Variants in PTGER3 observed in about 807,000 individuals in gnomAD.
The protein encoded by PTGER3 is prostaglandin E receptor 3.
PTGER3 carries 22 observed loss-of-function variants against 34.7 expected under a neutral mutation model. The ratio of observed to expected loss-of-function variants is 0.63; its 90% CI spans 0.45 to 0.91. The LOEUF (loss-of-function observed/expected upper bound fraction) is 0.91. Ranked by LOEUF, PTGER3 falls within the 40% of genes least tolerant of loss-of-function variation. The pLI, the probability that PTGER3 is intolerant of heterozygous loss-of-function variation, is 0.00. For missense variants in PTGER3, 468 were observed against 519.4 expected (o/e 0.90, Z 0.96); for synonymous variants, 241 against 230.1 (o/e 1.05, Z -0.43).
chr1:70,939,911 A>G (rs1286672297), intron 4 of PTGER3, among the ~76,000 whole-genome samples: 1 of 152,206 alleles, frequency 6.6e-6, no homozygotes, highest in Admixed American at 6.5e-5. Flanking sequence ...GCTCCTTGCT[A>G]CTTATGCAAA....
chr1:71,026,185 T>C (rs986506300), intron 1 of PTGER3, among the ~76,000 whole-genome samples: 1 of 152,180 alleles, frequency 6.6e-6, no homozygotes, highest in Admixed American at 6.5e-5. Context: ...CCTGGCTAAA[T>C]TTACCAGCTT....
At chr1:70,905,789 A>C (rs1553161880) in intron 4 of PTGER3, among the ~76,000 whole-genome samples, 3 of 152,068 alleles carry the variant, frequency 2.0e-5, no homozygotes, top group Non-Finnish European at 4.4e-5. Context: ...TGCTGAAATG[A>C]GTTAAGACTT....
exon 5 of PTGER3, chr1:70,852,559 A>C (rs1645704340): frequency 2.1e-6 from 1 of 467,922 alleles, no homozygotes; most frequent in African/African-American, 2.0e-5. Flanking sequence ...TTTCAATAAA[A>C]AAATGCAAAT....
At chr1:70,858,998 G>C (rs1351680355) in intron 4 of PTGER3, among the ~76,000 whole-genome samples, 1 of 152,214 alleles carries the variant, frequency 6.6e-6, no homozygotes, top group Admixed American at 6.5e-5. Context: ...CAGACACACA[G>C]AGTTCAATGA....
chr1:70,973,121 C>CGTGTGTGTGTGT (rs71898506), intron 3 of PTGER3, among the ~76,000 whole-genome samples: 4 of 143,854 alleles, frequency 2.8e-5, no homozygotes, highest in South Asian at 2.3e-4. Flanking sequence ...CCAGTGTGCA[C>CGTGTGTGTGTGT]GTGTGTGTGT....
chr1:70,955,732 T>C (rs1285481046), intron 2 of PTGER3, among the ~76,000 whole-genome samples: 7 of 152,284 alleles, frequency 4.6e-5, no homozygotes, highest in Admixed American at 6.5e-5. Context: ...TCACTAGAAA[T>C]TGGTCATTAG....
At chr1:70,877,030 G>A (rs935354449) in intron 4 of PTGER3, among the ~76,000 whole-genome samples, 1 of 152,138 alleles carries the variant, frequency 6.6e-6, no homozygotes, top group Non-Finnish European at 1.5e-5. Flanking sequence ...CATTGAAACT[G>A]TAAATTGCTT....
chr1:70,908,952 T>C (rs1034327653), intron 4 of PTGER3, among the ~76,000 whole-genome samples: 2 of 152,154 alleles, frequency 1.3e-5, no homozygotes, highest in African/African-American at 4.8e-5. Flanking sequence ...CTTAAGAGTA[T>C]AGGAGCTAGT....
At chr1:70,863,075 G>A (rs369064933) in intron 4 of PTGER3, among the ~76,000 whole-genome samples, 1 of 152,006 alleles carries the variant, frequency 6.6e-6, no homozygotes, top group South Asian at 2.1e-4. Context: ...CGATGCCCAG[G>A]TTCTCTGTCT....
At chr1:70,864,188 G>GT (rs952155079) in intron 4 of PTGER3, among the ~76,000 whole-genome samples, 25 of 151,204 alleles carry the variant, frequency 1.7e-4, no homozygotes, top group South Asian at 6.3e-4. Context: ...TTTACTTCTA[G>GT]TTTTTTTTTA....
In PTGER3 at chr1:71,047,384, C is replaced by G; in HGVS notation, c.194G>C (p.Gly65Ala). The change falls in exon 1 of 4, where the codon GGC (glycine) becomes GCC (alanine). Residue 65 changes from glycine (G) to alanine (A), a missense_variant. By Grantham distance (60) the Gly-to-Ala change is moderately conservative. Transcript: ENST00000306666. ...CACGAGCAGCATGGCCAGTGCGTTG[C>G]CCACGAAACCAGTGAGCAGCATGGT... ...PITMLLTGFV[G>A]NALAMLLVSR... is the part of the protein sequence containing the mutation. The G allele has an allele frequency of 6.2e-7, 1 of 1,611,318 alleles. No homozygotes were observed. The highest frequency in any genetic ancestry group is 2.2e-5 in the East Asian group (1 of 44,786).
At chr1:70,852,851 A>G in exon 5 of PTGER3, 12 of 1,613,548 alleles carry the variant, frequency 7.4e-6, no homozygotes, top group African/African-American at 1.3e-5. Flanking sequence ...AATTTCCCCA[A>G]AATTCCTCCT....
In PTGER3 at chr1:70,953,121, A is replaced by G. The variant is rs978725722; in HGVS notation, c.1105-62T>C. ...TAAAAAATAACAATATGAAAATAAA[A>G]ATAATACAAATAAAAAGGTGATACA... On this transcript the variant is annotated intron_variant, in intron 3 of 3. Transcript: ENST00000356595. 5.2e-6 allele frequency: 7 copies of G among 1,356,670 alleles called. No homozygotes were observed. In the African/African-American group the frequency reaches 1.0e-4, roughly 20 times the overall value. 84.0% of individuals were successfully genotyped at this position (1,356,670 alleles called of 1,614,324 possible).
chr1:70,859,985 T>A (rs894982805), intron 4 of PTGER3, among the ~76,000 whole-genome samples: 6 of 151,940 alleles, frequency 3.9e-5, no homozygotes. Flanking sequence ...TGTACTATTA[T>A]GTGACCTAGA....
intron 2 of PTGER3, chr1:71,011,755 T>C: frequency 1.0e-6 from 1 of 985,958 alleles, no homozygotes; most frequent in Non-Finnish European, 1.2e-6. Context: ...TAAACTTTTC[T>C]TTAATGTAAG....
intron 4 of PTGER3, chr1:70,862,415 A>T: frequency 1.5e-6 from 2 of 1,338,086 alleles, no homozygotes; most frequent in Non-Finnish European, 2.0e-6. Context: ...GTGATAGGCA[A>T]TAGAAATATT....
chr1:71,032,024 A>C (rs182126323), intron 1 of PTGER3, among the ~76,000 whole-genome samples: 21 of 152,322 alleles, frequency 1.4e-4, no homozygotes, highest in African/African-American at 5.1e-4. Flanking sequence ...TACTACCATT[A>C]AATAAATTCA....
At chr1:70,929,888 C>A (rs1029745041) in intron 4 of PTGER3, among the ~76,000 whole-genome samples, 1 of 152,126 alleles carries the variant, frequency 6.6e-6, no homozygotes, top group African/African-American at 2.4e-5. Flanking sequence ...TTCTGAGTAA[C>A]TCAAGGTAGA....
chr1:70,981,375 CTTTCTTTCTTTCT>C lies in PTGER3; in HGVS notation c.1078-7000_1078-6988del, dbSNP rs1557709032. Among the ~76,000 whole-genome samples the C allele has an allele frequency of 1.3e-3, 131 of 99,186 alleles. 1 individual carries two copies. Among genetic ancestry groups the C allele is most frequent in the Admixed American group, 2.7e-3 (21 of 7,756 alleles). 65.1% of individuals were successfully genotyped at this position (99,186 alleles called of 152,430 possible). On this transcript the variant is annotated intron_variant, in intron 2 of 3. Transcript: ENST00000306666. ...TCTTTCTTTCTTTCTTTCTTTCTTT[CTTTCTTTCTTTCT>C]TTCTTTCCTTCCTTCCTTCCTTCCT...
Sources: allele counts gnomAD v4.1 joint callset (sites outside exome capture counted in the v4.1 genomes callset), GRCh38; gene constraint gnomAD v4.1.1; transcripts MANE v1.5; gene names NCBI Gene and HGNC (gene_info 2026-07-23, HGNC 2026-07-21).